Variants in PATJ observed in about 807,000 individuals in gnomAD.
PATJ encodes PATJ crumbs cell polarity complex component.
In PATJ, 190 loss-of-function variants were observed where a neutral mutation model predicts 224.9. The observed-to-expected ratio is 0.84, with a 90% CI of 0.75 to 0.95. PATJ has a LOEUF of 0.95. Ranked by LOEUF, PATJ falls within the 40% of genes least tolerant of loss-of-function variation. The pLI, the probability that PATJ is intolerant of heterozygous loss-of-function variation, is 0.00. For synonymous variants in PATJ, 769 were observed against 820.3 expected (o/e 0.94, Z 1.07); for missense variants, 2,121 against 2,270.3 (o/e 0.93, Z 1.34).
intron 33 of PATJ, among the ~76,000 whole-genome samples, chr1:62,106,364 G>A (rs1375114597): frequency 6.7e-6 from 1 of 149,968 alleles, no homozygotes; most frequent in African/African-American, 2.5e-5. Flanking sequence ...CCAGCTACTT[G>A]GGAGGCTGAA....
intron 17 of PATJ, among the ~76,000 whole-genome samples, chr1:61,843,304 C>T (rs1308818122): frequency 1.3e-5 from 2 of 152,162 alleles, no homozygotes; most frequent in Non-Finnish European, 2.9e-5. Context: ...TCAGAAAGCT[C>T]CCAAACGTCC....
intron 14 of PATJ, among the ~76,000 whole-genome samples, chr1:61,811,656 A>G (rs12403946): frequency 0.51 from 74,978 of 147,966 alleles, 19,198 homozygotes; most frequent in Middle Eastern, 0.61. Flanking sequence ...GTGCCTAATC[A>G]GCTGCTAAAG....
At chr1:62,073,726 A>G (rs944258154) in intron 31 of PATJ, among the ~76,000 whole-genome samples, 7 of 152,188 alleles carry the variant, frequency 4.6e-5, no homozygotes, top group Non-Finnish European at 8.8e-5. Flanking sequence ...ACAGTGGTGC[A>G]TACCTGTAGT....
chr1:61,936,517 A>T (rs1676908528), intron 27 of PATJ, among the ~76,000 whole-genome samples: 1 of 151,918 alleles, frequency 6.6e-6, no homozygotes, highest in Non-Finnish European at 1.5e-5. Context: ...CAGTCTCAAA[A>T]ATTCAAAACC....
rs1674023855 is a variant in PATJ, at chr1:61,919,856, T to G, written c.3570+5192T>G. ...ATTGTTGTGTATGTAATATTAATTC[T>G]TTGACATTGGTTGAGACATGTTTTT... On this transcript the variant is annotated intron_variant, in intron 26 of 43. Coordinates refer to ENST00000642238, the MANE Select transcript of PATJ (RefSeq NM_001350145.3). Among the ~76,000 whole-genome samples, 4 of 152,302 alleles carry G rather than the reference T, an allele frequency of 2.6e-5. No homozygotes were observed. In the South Asian group the frequency reaches 8.3e-4, roughly 32 times the overall value.
chr1:61,985,883 T>C (rs1644729565), intron 27 of PATJ, among the ~76,000 whole-genome samples: 1 of 152,042 alleles, frequency 6.6e-6, no homozygotes, highest in African/African-American at 2.4e-5. Flanking sequence ...GTCACCAACT[T>C]AAGACTAACT....
chr1:61,939,847 T>C (rs1677523386), intron 27 of PATJ, among the ~76,000 whole-genome samples: 1 of 151,794 alleles, frequency 6.6e-6, no homozygotes, highest in African/African-American at 2.4e-5. Flanking sequence ...CTAATTTTTA[T>C]ATTTTTAGTA....
intron 27 of PATJ, among the ~76,000 whole-genome samples, chr1:61,967,639 A>T (rs762542515): frequency 6.6e-6 from 1 of 152,212 alleles, no homozygotes; most frequent in Non-Finnish European, 1.5e-5. Context: ...TGTTTTTAGA[A>T]AGGACTGTTG....
chr1:62,024,235 C>T (rs904856798), intron 29 of PATJ, among the ~76,000 whole-genome samples: 2 of 152,118 alleles, frequency 1.3e-5, no homozygotes, highest in Non-Finnish European at 2.9e-5. Flanking sequence ...AGAGGTGCCC[C>T]TCCTCCTTGA....
At chr1:61,924,382 A>G (rs1306579735) in intron 26 of PATJ, among the ~76,000 whole-genome samples, 1 of 152,138 alleles carries the variant, frequency 6.6e-6, no homozygotes, top group Non-Finnish European at 1.5e-5. Context: ...ACAGAAAAGA[A>G]ATACTAGTAT....
chr1:62,093,584 T>C (rs1342411223), intron 33 of PATJ, among the ~76,000 whole-genome samples: 1 of 152,172 alleles, frequency 6.6e-6, no homozygotes, highest in Admixed American at 6.5e-5. Context: ...TATTTTAAAA[T>C]CAAAGCAGAG....
chr1:61,792,533 GT>G (rs985882176), intron 9 of PATJ, among the ~76,000 whole-genome samples: 17 of 151,496 alleles, frequency 1.1e-4, no homozygotes, highest in Non-Finnish European at 2.4e-4. Flanking sequence ...TTGTTTATTT[GT>G]TTTTGTTTTT....
chr1:62,093,510 G>A (rs1661031624), intron 33 of PATJ, among the ~76,000 whole-genome samples: 1 of 152,154 alleles, frequency 6.6e-6, no homozygotes, highest in Non-Finnish European at 1.5e-5. Flanking sequence ...CCAAAGCCAA[G>A]CTCCTTTTAT....
intron 30 of PATJ, among the ~76,000 whole-genome samples, chr1:62,047,086 G>A (rs1343450013): frequency 6.6e-6 from 1 of 152,146 alleles, no homozygotes; most frequent in African/African-American, 2.4e-5. Context: ...TTTAAGGAAC[G>A]CTTTCCTTTC....
At chr1:61,802,727 C>T in intron 12 of PATJ, among the ~76,000 whole-genome samples, 1 of 151,628 alleles carries the variant, frequency 6.6e-6, no homozygotes, top group South Asian at 2.1e-4. Context: ...GCTGTTATAC[C>T]TTTATTCTTT....
chr1:62,058,647 C>T (rs769499508), intron 31 of PATJ, among the ~76,000 whole-genome samples: 1 of 152,078 alleles, frequency 6.6e-6, no homozygotes, highest in South Asian at 2.1e-4. Context: ...TGACACAGCA[C>T]GTGGCATGCA....
At position 61,904,266 on chromosome 1, in the gene PATJ, TTTTTC is replaced by T. The variant is rs1427994111; in HGVS notation, c.3381+2810_3381+2814del. Among the ~76,000 whole-genome samples, 3 of 152,334 alleles carry T rather than the reference TTTTTC, an allele frequency of 2.0e-5. No individual in the cohort carries two copies. In the East Asian group the frequency reaches 5.8e-4, roughly 29 times the overall value. On this transcript the variant is annotated intron_variant, in intron 24 of 43. Coordinates refer to ENST00000642238, the MANE Select transcript of PATJ (RefSeq NM_001350145.3). ...AATTTTTTAATGTTTCGTATTATATTTTTTCTTAATGTATTCTGAAATCATCATAA... is the reference window on the plus strand; with the variant it reads ...AATTTTTTAATGTTTCGTATTATATTTTAATGTATTCTGAAATCATCATAA...
intron 17 of PATJ, among the ~76,000 whole-genome samples, chr1:61,834,007 T>A (rs1219156599): frequency 6.6e-6 from 1 of 152,206 alleles, no homozygotes; most frequent in Non-Finnish European, 1.5e-5. Flanking sequence ...GCAATAGTTA[T>A]ATATCCATGG....
At chr1:62,090,071 A>G (rs954000437) in intron 33 of PATJ, among the ~76,000 whole-genome samples, 1 of 152,198 alleles carries the variant, frequency 6.6e-6, no homozygotes, top group Non-Finnish European at 1.5e-5. Context: ...TGCTATAAAT[A>G]GTTTCTCTGG....
Sources: allele counts gnomAD v4.1 joint callset (sites outside exome capture counted in the v4.1 genomes callset), GRCh38; gene constraint gnomAD v4.1.1; transcripts MANE v1.5; gene names NCBI Gene and HGNC (gene_info 2026-07-23, HGNC 2026-07-21).